The following PCDH7 variants were observed in gnomAD, a reference collection of about 807,000 sequenced individuals.
PCDH7 encodes protocadherin 7.
In PCDH7, 17 loss-of-function variants were observed where a neutral mutation model predicts 58.9. The ratio of observed to expected loss-of-function variants is 0.29; its 90% CI spans 0.20 to 0.43. PCDH7 has a LOEUF of 0.43. PCDH7 is among the 20% of genes least tolerant of loss of function. The pLI is 1.00. For missense variants in PCDH7, 1,274 were observed against 1,441.0 expected (o/e 0.88, Z 1.88); for synonymous variants, 664 against 616.4 (o/e 1.08, Z -1.14).
intron 1 of PCDH7, among the ~76,000 whole-genome samples, chr4:30,807,680 C>G (rs1021841398): frequency 6.6e-6 from 1 of 151,614 alleles, no homozygotes; most frequent in Admixed American, 6.6e-5. Context: ...TTTTTGAGTT[C>G]TGGTTGCGTT....
At chr4:30,768,379 C>T (rs901131355) in intron 1 of PCDH7, among the ~76,000 whole-genome samples, 6 of 140,388 alleles carry the variant, frequency 4.3e-5, no homozygotes, top group Admixed American at 1.4e-4. Flanking sequence ...CTTTTAAGAG[C>T]GGCTGAAATT....
At position 30,721,317 on chromosome 4, in the gene PCDH7, G is replaced by C. The variant is rs1031340875; in HGVS notation, c.-106G>C. 40 of 1,137,690 alleles carry C rather than the reference G, an allele frequency of 3.5e-5. No individual in the cohort carries two copies. The highest frequency in any genetic ancestry group is 4.7e-5 in the Non-Finnish European group (39 of 838,528). 70.5% of individuals were successfully genotyped at this position (1,137,690 alleles called of 1,614,324 possible). ...CCCTCCCTCTCGCTCCTTCCTTTCC[G>C]GGAGAGGGGAGAGGACTCGGGGGAG... On this transcript the variant is annotated 5_prime_UTR_variant, in exon 1 of 2. Coordinates refer to ENST00000361762, the Ensembl canonical transcript of PCDH7. The surrounding 1 kb of genome is among the most constrained non-coding windows in gnomAD (Gnocchi z 6.7).
chr4:30,847,764 A>T (rs1732178840), intron 1 of PCDH7, among the ~76,000 whole-genome samples: 1 of 152,112 alleles, frequency 6.6e-6, no homozygotes, highest in African/African-American at 2.4e-5. Flanking sequence ...ATTTTAGAGA[A>T]TTATATATTT....
intron 3 of PCDH7, among the ~76,000 whole-genome samples, chr4:30,972,803 T>G (rs1749714819): frequency 2.0e-5 from 3 of 152,182 alleles, no homozygotes; most frequent in South Asian, 4.1e-4. Flanking sequence ...CACCCCACTC[T>G]ACCACACGGA....
intron 1 of PCDH7, among the ~76,000 whole-genome samples, chr4:30,728,178 A>G (rs1714900629): frequency 6.6e-6 from 1 of 151,550 alleles, no homozygotes; most frequent in Non-Finnish European, 1.5e-5. Context: ...AATTGCTTCA[A>G]TTTTGGAAGC....
intron 3 of PCDH7, among the ~76,000 whole-genome samples, chr4:31,102,222 T>C (rs1489767876): frequency 1.3e-5 from 2 of 151,756 alleles, no homozygotes; most frequent in East Asian, 1.9e-4. Context: ...GTACTCCAAA[T>C]GATAGCCTAA....
chr4:30,841,632 T>C (rs932690669), intron 1 of PCDH7, among the ~76,000 whole-genome samples: 1 of 152,148 alleles, frequency 6.6e-6, no homozygotes, highest in Non-Finnish European at 1.5e-5. Flanking sequence ...GTAGCTTGAA[T>C]GTTTGCCCTG....
At chr4:30,909,907 G>A (rs571220435) in intron 1 of PCDH7, among the ~76,000 whole-genome samples, 45 of 152,192 alleles carry the variant, frequency 3.0e-4, no homozygotes, top group East Asian at 1.9e-3. Context: ...GAGGCATCAC[G>A]CTACTTGACT....
In PCDH7 at chr4:30,793,290, T is replaced by C. The variant is rs1431022322; in HGVS notation, c.70+68694T>C. 2.0e-5 allele frequency among the ~76,000 whole-genome samples: 3 copies of C among 152,196 alleles called. No individual in the cohort carries two copies. In the South Asian group the frequency reaches 6.2e-4, roughly 31 times the overall value. On this transcript the variant is annotated intron_variant, in intron 1 of 3. Transcript: ENST00000509759. ...ACTAGGAAGAAATACAATATGTATC[T>C]TGCACTACTGCTTAGTAACTGTGCT...
chr4:30,783,576 C>T (rs1435546983), intron 1 of PCDH7, among the ~76,000 whole-genome samples: 3 of 152,124 alleles, frequency 2.0e-5, no homozygotes, highest in Non-Finnish European at 4.4e-5. Flanking sequence ...ACATCTGTTT[C>T]TTTTAAAATA....
chr4:31,053,606 A>T (rs1341855685), intron 3 of PCDH7, among the ~76,000 whole-genome samples: 3 of 151,992 alleles, frequency 2.0e-5, no homozygotes, highest in African/African-American at 7.2e-5. Context: ...AATCAGTTTG[A>T]TTTCTTTATC....
chr4:30,741,843 T>C (rs1029774235), intron 1 of PCDH7, among the ~76,000 whole-genome samples: 2 of 152,226 alleles, frequency 1.3e-5, no homozygotes, highest in African/African-American at 4.8e-5. Flanking sequence ...CAATTAATTT[T>C]GAATCTATAA....
chr4:30,967,138 A>G (rs576500383), intron 3 of PCDH7, among the ~76,000 whole-genome samples: 34 of 152,306 alleles, frequency 2.2e-4, no homozygotes, highest in South Asian at 4.1e-4. Context: ...GTTGTTTTAA[A>G]TCCATATAAG....
chr4:30,732,276 C>T (rs1040403496), exon 2 of PCDH7: 1 of 152,218 alleles, frequency 6.6e-6, no homozygotes, highest in East Asian at 1.9e-4. Flanking sequence ...TGAAAGGAAC[C>T]TTACCAATCT....
chr4:30,836,693 A>G (rs1205923766), intron 1 of PCDH7, among the ~76,000 whole-genome samples: 1 of 152,190 alleles, frequency 6.6e-6, no homozygotes, highest in Admixed American at 6.5e-5. Context: ...TGTTATGATA[A>G]AAACCTGTAG....
At chr4:30,832,634 A>G (rs902265968) in intron 1 of PCDH7, among the ~76,000 whole-genome samples, 3 of 152,164 alleles carry the variant, frequency 2.0e-5, no homozygotes, top group Non-Finnish European at 4.4e-5. Flanking sequence ...GTGTTTGTGC[A>G]TGCACTTGTG....
At chr4:30,919,701 T>G (rs1265452025) in intron 1 of PCDH7, among the ~76,000 whole-genome samples, 6 of 152,158 alleles carry the variant, frequency 3.9e-5, no homozygotes, top group African/African-American at 1.2e-4. Flanking sequence ...GCCAACCCAT[T>G]TGATTTTATA....
intron 1 of PCDH7, among the ~76,000 whole-genome samples, chr4:30,918,949 TA>T (rs1479712116): frequency 6.6e-6 from 1 of 152,134 alleles, no homozygotes; most frequent in East Asian, 1.9e-4. Context: ...CATGTGCATA[TA>T]ATCCTTAATA....
intron 1 of PCDH7, among the ~76,000 whole-genome samples, chr4:30,911,767 A>T (rs1741809985): frequency 1.3e-5 from 2 of 152,150 alleles, no homozygotes; most frequent in South Asian, 4.1e-4. Flanking sequence ...ATTGAAATTC[A>T]TTATTTTCTT....
Sources: gnomAD v4.1 joint callset for allele counts (sites outside exome capture counted in the v4.1 genomes callset) on GRCh38, gnomAD v4.1.1 for gene constraint, Gnocchi (gnomAD v3.1) non-coding constraint, MANE v1.5 for transcripts, NCBI Gene and HGNC (gene_info 2026-07-23, HGNC 2026-07-21) for gene names.